Variants in GFRAL observed in about 807,000 individuals in gnomAD.
The protein encoded by GFRAL is GDNF family receptor alpha-like.
A neutral mutation model predicts 45.4 loss-of-function variants in GFRAL; 36 were observed. That is an observed-to-expected ratio of 0.79 (90% CI 0.61 to 1.05). GFRAL has a LOEUF of 1.05. GFRAL is among the 50% of genes least tolerant of loss of function. GFRAL has a pLI of 0.00. For synonymous variants in GFRAL, 166 were observed against 154.1 expected (o/e 1.08, Z -0.57); for missense variants, 507 against 467.5 (o/e 1.08, Z -0.78).
At chr6:55,351,658 C>A in intron 5 of GFRAL, 75 bp downstream of exon 5, 2 of 1,018,064 alleles carry the variant, frequency 2.0e-6, no homozygotes, top group Non-Finnish European at 2.9e-6. Context: ...AACACTTGAT[C>A]TCATAACATT....
intron 1 of GFRAL, among the ~76,000 whole-genome samples, chr6:55,331,508 A>G (rs1767829133): frequency 6.6e-6 from 1 of 152,188 alleles, no homozygotes; most frequent in Non-Finnish European, 1.5e-5. Context: ...AGACGTCAAA[A>G]TGAGCAAATT....
intron 3 of GFRAL, among the ~76,000 whole-genome samples, chr6:55,342,074 A>T (rs543292494): frequency 6.6e-6 from 1 of 152,356 alleles, no homozygotes; most frequent in African/African-American, 2.4e-5. Context: ...TGATGGGGAA[A>T]ATGGAACCAA....
rs745662274 is a variant in GFRAL at position 55,350,119 on chromosome 6, G to A, written c.344G>A (p.Trp115Ter). 3.2e-6 allele frequency: 5 copies of A among 1,541,854 alleles called. No individual in the cohort carries two copies. Among genetic ancestry groups the A allele is most frequent in the South Asian group, 1.1e-5 (1 of 89,504 alleles). The change falls in exon 4 of 9, where the codon TGG (tryptophan) becomes TAG (stop). Residue 115 changes from tryptophan to a stop codon, truncating the protein, a stop_gained. Transcript: ENST00000340465. LOFTEE classifies it high-confidence loss of function. ...AACGTGAAAGAGGATAAATTCAAAT[G>A]GAATCTAACTACACGTTCCCATCAT... ...SDNVKEDKFK[W>*]NLTTRSHHGF...
At chr6:55,394,994 A>G (rs1768802922) in intron 6 of GFRAL, among the ~76,000 whole-genome samples, 1 of 151,906 alleles carries the variant, frequency 6.6e-6, no homozygotes, top group Non-Finnish European at 1.5e-5. Flanking sequence ...TACTCTCACT[A>G]CAATTGTGCA....
intron 3 of GFRAL, among the ~76,000 whole-genome samples, chr6:55,344,049 C>T (rs780550465): frequency 6.6e-6 from 1 of 151,844 alleles, no homozygotes; most frequent in South Asian, 2.1e-4. Flanking sequence ...AATTAATAGC[C>T]TACCAACCAA....
At chr6:55,395,162 G>GAA (rs869161118) in intron 6 of GFRAL, among the ~76,000 whole-genome samples, 1,451 of 125,060 alleles carry the variant, frequency 0.012, 22 homozygotes, top group South Asian at 0.048. Flanking sequence ...TCAGCCTATG[G>GAA]AAAAAAAAAA....
In GFRAL at chr6:55,351,452, C is replaced by T. The variant is rs1341903837; in HGVS notation, c.570C>T (p.Asp190=). 1.2e-6 allele frequency: 2 copies of T among 1,613,632 alleles called. No individual in the cohort carries two copies. Among genetic ancestry groups the T allele is most frequent in the South Asian group, 2.2e-5 (2 of 91,070 alleles). The part of the protein sequence containing the change: ...FNIAQMLAFC[D]CAQSDIPCQQ... Reference sequence around the variant, plus strand: ...TTGCCCAGATGTTGGCTTTTTGTGACTGTGCTCAATCTGATATACCTTGTC... The same window carrying T: ...TTGCCCAGATGTTGGCTTTTTGTGATTGTGCTCAATCTGATATACCTTGTC... Residue 190 remains aspartate (D), a synonymous_variant, in exon 5 of 9, where the codon GAC becomes GAT. Coordinates refer to ENST00000340465, the MANE Select transcript of GFRAL (RefSeq NM_207410.2).
intron 3 of GFRAL, among the ~76,000 whole-genome samples, chr6:55,342,113 C>T (rs1363021290): frequency 6.6e-6 from 1 of 152,172 alleles, no homozygotes; most frequent in East Asian, 1.9e-4. Flanking sequence ...GGATACTATC[C>T]AGGAGAACTT....
At chr6:55,359,728 G>A (rs765730004) in intron 6 of GFRAL, among the ~76,000 whole-genome samples, 1 of 151,964 alleles carries the variant, frequency 6.6e-6, no homozygotes, top group Non-Finnish European at 1.5e-5. Flanking sequence ...CTCTTATGTG[G>A]AAGCAGAAGA....
chr6:55,390,933 CAA>C (rs1491383339), intron 6 of GFRAL, among the ~76,000 whole-genome samples: 6,567 of 123,734 alleles, frequency 0.053, 229 homozygotes, highest in African/African-American at 0.11. Flanking sequence ...CACACACACA[CAA>C]GTAGTGGTCT....
Position 55,401,811 on chromosome 6 carries a change from A to C in GFRAL, c.1143A>C (p.Lys381Asn). 6.5e-7 allele frequency: 1 copy of C among 1,545,692 alleles called. No individual in the cohort carries two copies. Among genetic ancestry groups the C allele is most frequent in the Non-Finnish European group, 9.0e-7 (1 of 1,117,258 alleles). ...VKLRTSRISSKARDPSSIQIP... is the reference protein window; with the variant it reads ...VKLRTSRISSNARDPSSIQIP... ...ACAGAACTTCCAGAATATCAAGTAA[A>C]GCAAGAGATCCTTCATCGATCCAAA... The change falls in exon 9 of 9, where the codon AAA becomes AAC. Residue 381 changes from lysine to asparagine, a missense_variant. Coordinates refer to ENST00000340465, the MANE Select transcript of GFRAL (RefSeq NM_207410.2).
At chr6:55,342,671 T>C (rs1767984800) in intron 3 of GFRAL, among the ~76,000 whole-genome samples, 1 of 151,808 alleles carries the variant, frequency 6.6e-6, no homozygotes, top group Non-Finnish European at 1.5e-5. Flanking sequence ...AATTCACACA[T>C]AACAATATTA....
At chr6:55,350,855 C>T (rs1768107222) in intron 4 of GFRAL, among the ~76,000 whole-genome samples, 1 of 151,980 alleles carries the variant, frequency 6.6e-6, no homozygotes, top group Non-Finnish European at 1.5e-5. Context: ...TTCAAGATTC[C>T]CCTCACAAAA....
intron 3 of GFRAL, among the ~76,000 whole-genome samples, chr6:55,348,571 A>G (rs1352555423): frequency 1.3e-5 from 2 of 152,036 alleles, no homozygotes; most frequent in Non-Finnish European, 2.9e-5. Flanking sequence ...CTCTTCTTTT[A>G]CTAGCTTGTA....
chr6:55,401,727 A>G (rs1200453045), intron 8 of GFRAL, 63 bp from the exon 9 acceptor site: 4 of 978,354 alleles, frequency 4.1e-6, no homozygotes, highest in Non-Finnish European at 6.6e-6. Context: ...GCAAACACAC[A>G]CAAGCACATT....
chr6:55,401,803 T>G lies in GFRAL; in HGVS notation c.1135T>G (p.Ser379Ala). Reference protein sequence around the residue: ...VMVKLRTSRISSKARDPSSIQ... With the variant: ...VMVKLRTSRIASKARDPSSIQ... ...TATTTTATACAGAACTTCCAGAATATCAAGTAAAGCAAGAGATCCTTCATC... is the reference window on the plus strand; with the variant it reads ...TATTTTATACAGAACTTCCAGAATAGCAAGTAAAGCAAGAGATCCTTCATC... The change falls in exon 9 of 9, where the codon TCA becomes GCA. Residue 379 changes from serine (S) to alanine (A), a missense_variant. Transcript: ENST00000340465. The G allele has an allele frequency of 6.5e-7, 1 of 1,527,984 alleles. No individual in the cohort carries two copies. The highest frequency in any genetic ancestry group is 9.1e-7 in the Non-Finnish European group (1 of 1,101,158). 94.7% of individuals were successfully genotyped at this position (1,527,984 alleles called of 1,614,324 possible).
At chr6:55,359,190 T>TATCTATCTATCTATCA in intron 6 of GFRAL, 52 bp downstream of exon 6, 1 of 1,121,666 alleles carries the variant, frequency 8.9e-7, no homozygotes, top group South Asian at 1.5e-5. Flanking sequence ...ATCTATCATC[T>TATCTATCTATCTATCA]ATCTATCTAT....
At chr6:55,362,326 C>T (rs1234200559) in intron 6 of GFRAL, among the ~76,000 whole-genome samples, 1 of 151,532 alleles carries the variant, frequency 6.6e-6, no homozygotes, top group Non-Finnish European at 1.5e-5. Flanking sequence ...AAACTTATAT[C>T]TGTTCCATAT....
chr6:55,393,258 C>CA (rs1215525744), intron 6 of GFRAL, among the ~76,000 whole-genome samples: 2 of 151,970 alleles, frequency 1.3e-5, no homozygotes, highest in African/African-American at 2.4e-5. Context: ...TATATTATGT[C>CA]AAAAAAACTG....
Sources: allele counts gnomAD v4.1 joint callset (sites outside exome capture counted in the v4.1 genomes callset), GRCh38; gene constraint gnomAD v4.1.1; transcripts MANE v1.5; gene names NCBI Gene and HGNC (gene_info 2026-07-23, HGNC 2026-07-21).